The following VTI1A variants were observed in gnomAD, a reference collection of about 807,000 sequenced individuals.
VTI1A encodes the protein vesicle transport through interaction with t-SNAREs 1A.
A neutral mutation model predicts 34.9 loss-of-function variants in VTI1A; 22 were observed. The ratio of observed to expected loss-of-function variants is 0.63; its 90% confidence interval spans 0.45 to 0.90. VTI1A has a LOEUF of 0.90. Among genes scored for constraint, VTI1A ranks in the 40% least tolerant of loss-of-function variants. VTI1A has a pLI of 0.00. For synonymous variants in VTI1A, 87 were observed against 97.3 expected (o/e 0.89, Z 0.62); for missense variants, 268 against 275.6 (o/e 0.97, Z 0.20).
At position 112,618,520 on chromosome 10, in the gene VTI1A, T is replaced by TAGAGAGAG. The variant is rs1249234028; in HGVS notation, c.428-49697_428-49696insGAGAGAGA. On this transcript the variant is annotated intron_variant, in intron 5 of 7. Coordinates refer to ENST00000393077, the MANE Select transcript of VTI1A (RefSeq NM_145206.4). The stretch of plus-strand genomic sequence containing the variant: ...ATATATATATATATATATATATATA[T>TAGAGAGAG]ATATAGAGAGAGAGAGAGAGAGAGA... Among the ~76,000 whole-genome samples, 153 of 46,160 alleles carry TAGAGAGAG rather than the reference T, an allele frequency of 3.3e-3. 2 individuals are homozygous for TAGAGAGAG. Among genetic ancestry groups the TAGAGAGAG allele is most frequent in the Admixed American group, 6.4e-3 (14 of 2,188 alleles). The allele number at this position is 46,160 out of a possible 152,430, so 30.3% of individuals were successfully genotyped here.
At chr10:112,776,254 T>A (rs1238788573) in intron 7 of VTI1A, among the ~76,000 whole-genome samples, 13 of 152,214 alleles carry the variant, frequency 8.5e-5, no homozygotes, top group Admixed American at 8.5e-4. Context: ...CTGAGGACTA[T>A]TTGAAAGCTT....
At chr10:112,761,720 C>T (rs1025051629) in intron 7 of VTI1A, among the ~76,000 whole-genome samples, 37 of 151,680 alleles carry the variant, frequency 2.4e-4, no homozygotes, top group African/African-American at 8.7e-4. Flanking sequence ...TATTTATTAC[C>T]AGTGCTTGTT....
At chr10:112,796,216 C>T (rs76614743) in intron 7 of VTI1A, among the ~76,000 whole-genome samples, 3 of 151,968 alleles carry the variant, frequency 2.0e-5, no homozygotes, top group Admixed American at 1.3e-4. Context: ...CTGGCCAACA[C>T]GATGAAACCC....
intron 3 of VTI1A, among the ~76,000 whole-genome samples, chr10:112,482,441 T>C (rs548175389): frequency 6.6e-6 from 1 of 152,288 alleles, no homozygotes; most frequent in Non-Finnish European, 1.5e-5. Context: ...CTGAGAGGGC[T>C]TTCTCCCTAC....
rs201046926 is a variant in VTI1A at position 112,643,163 on chromosome 10, T to C, written c.428-25055T>C. ...CCACACCTGGCTAATTTTTTTTTTT[T>C]CTTTTTTTTTTTTTGTAGAGACAGA... On this transcript the variant is annotated intron_variant, in intron 5 of 7. Transcript: ENST00000393077. 2.2e-3 allele frequency among the ~76,000 whole-genome samples: 212 copies of C among 96,980 alleles called. 1 individual carries two copies. Among genetic ancestry groups the C allele is most frequent in the African/African-American group, 5.3e-3 (165 of 31,222 alleles). 63.6% of individuals were successfully genotyped at this position (96,980 alleles called of 152,430 possible). A position where few individuals can be genotyped will look rare whatever the true frequency, so the allele number is the denominator to read the frequency against.
At chr10:112,469,299 TC>T (rs1848003019) in intron 3 of VTI1A, among the ~76,000 whole-genome samples, 2 of 152,174 alleles carry the variant, frequency 1.3e-5, no homozygotes, top group Non-Finnish European at 2.9e-5. Flanking sequence ...GACATGTTTT[TC>T]CTAATCGTCC....
chr10:112,572,637 G>A (rs1852173599), intron 5 of VTI1A, among the ~76,000 whole-genome samples: 2 of 152,076 alleles, frequency 1.3e-5, no homozygotes, highest in Admixed American at 1.3e-4. Flanking sequence ...AGGAGATCGA[G>A]ACCATCTTGG....
rs568744708 is a variant in VTI1A at position 112,767,055 on chromosome 10, G to A, written c.561-48235G>A. On this transcript the variant is annotated intron_variant, in intron 7 of 7. Coordinates refer to ENST00000393077, the MANE Select transcript of VTI1A (RefSeq NM_145206.4). The surrounding 1 kb of genome is among the most constrained non-coding windows in gnomAD (Gnocchi z 4.0). ...TTAAAGCCACTGATTTCTTAGCCAT[G>A]TGAGTTTTTATTCTTTAAAAGGGAA... Among the ~76,000 whole-genome samples the A allele has an allele frequency of 8.5e-5, 13 of 152,340 alleles. No individual in the cohort carries two copies. The South Asian group carries it at 2.3e-3, about 27-fold the overall frequency.
chr10:112,754,734 TG>T (rs1183683815), intron 7 of VTI1A, among the ~76,000 whole-genome samples: 10 of 152,174 alleles, frequency 6.6e-5, no homozygotes, highest in African/African-American at 2.4e-4. Flanking sequence ...GCACCCAGCA[TG>T]CAGGGGGGCA....
Position 112,669,014 on chromosome 10 carries a change from G to A in VTI1A, c.560+16G>A, listed in dbSNP as rs1847749373. 6.2e-7 allele frequency: 1 copy of A among 1,610,628 alleles called. No individual in the cohort carries two copies. On this transcript the variant is annotated intron_variant, in intron 7 of 7. Transcript: ENST00000393077. ...TGTTGCGAAGGTAAGAGCAAGGTAG[G>A]GACATATCTTTCTCTCTGTGTGTTT... is the stretch of plus-strand genomic sequence containing the variant.
intron 7 of VTI1A, among the ~76,000 whole-genome samples, chr10:112,774,019 C>T (rs975603080): frequency 6.6e-6 from 1 of 152,144 alleles, no homozygotes; most frequent in African/African-American, 2.4e-5. Flanking sequence ...AAGAAGACAG[C>T]TAGGGGTCAG....
chr10:112,845,608 C>T, the VTI1A span, among the ~76,000 whole-genome samples: 2 of 152,196 alleles, frequency 1.3e-5, no homozygotes, highest in Non-Finnish European at 2.9e-5. Context: ...AGACAGATTT[C>T]AGGGCACTGA....
chr10:112,662,073 A>G (rs1847482350), intron 5 of VTI1A, among the ~76,000 whole-genome samples: 1 of 152,168 alleles, frequency 6.6e-6, no homozygotes, highest in South Asian at 2.1e-4. Context: ...CACCCAGCCA[A>G]GATTTTAAAT....
intron 7 of VTI1A, among the ~76,000 whole-genome samples, chr10:112,725,128 G>A (rs111301370): frequency 1.3e-4 from 20 of 152,286 alleles, no homozygotes; most frequent in African/African-American, 3.8e-4. Flanking sequence ...ATAGCTGGAC[G>A]GTTTAAATCA....
At chr10:112,828,460 C>G in the VTI1A span, among the ~76,000 whole-genome samples, 2 of 152,024 alleles carry the variant, frequency 1.3e-5, no homozygotes, top group African/African-American at 4.8e-5. Flanking sequence ...GGCTGGAGTG[C>G]AGAGGCGCGA....
intron 7 of VTI1A, among the ~76,000 whole-genome samples, chr10:112,777,445 G>C (rs1590175217): frequency 6.6e-6 from 1 of 152,184 alleles, no homozygotes. Context: ...AGACAGCCAC[G>C]GAGCAGTGCT....
intron 7 of VTI1A, among the ~76,000 whole-genome samples, chr10:112,806,408 C>A (rs372452726): frequency 6.6e-6 from 1 of 151,982 alleles, no homozygotes; most frequent in Non-Finnish European, 1.5e-5. Flanking sequence ...GCCTCAGACT[C>A]CCGAGGAGCT....
intron 7 of VTI1A, among the ~76,000 whole-genome samples, chr10:112,730,451 G>T (rs1181271036): frequency 6.6e-6 from 1 of 152,188 alleles, no homozygotes; most frequent in Non-Finnish European, 1.5e-5. Flanking sequence ...TTCATTTAGA[G>T]TGAGGGATGA....
chr10:112,803,761 G>A (rs777846667), intron 7 of VTI1A, among the ~76,000 whole-genome samples: 1 of 152,190 alleles, frequency 6.6e-6, no homozygotes, highest in Non-Finnish European at 1.5e-5. Context: ...GTGAGACCCT[G>A]TCTCTAAAAA....
Sources: gnomAD v4.1 joint callset for allele counts (sites outside exome capture counted in the v4.1 genomes callset) on GRCh38, gnomAD v4.1.1 for gene constraint, Gnocchi (gnomAD v3.1) non-coding constraint, MANE v1.5 for transcripts, NCBI Gene and HGNC (gene_info 2026-07-23, HGNC 2026-07-21) for gene names.